BMPR1A: variants seen among roughly 807,000 people sequenced by gnomAD.
BMPR1A encodes bone morphogenetic protein receptor type 1A.
A neutral mutation model predicts 66.0 loss-of-function variants in BMPR1A; 7 were observed. The observed-to-expected ratio is 0.11, with a 90% CI of 0.06 to 0.20. The LOEUF is 0.20. BMPR1A is among the 10% of genes least tolerant of loss of function. The pLI is 1.00. For missense variants in BMPR1A, 408 were observed against 669.1 expected, an observed-to-expected ratio of 0.61 and a Z score of 4.31; for synonymous variants, 200 against 229.7, an observed-to-expected ratio of 0.87 and a Z score of 1.17.
chr10:86,871,063 T>A (rs1338932266), intron 2 of BMPR1A, among the ~76,000 whole-genome samples: 1 of 152,172 alleles, frequency 6.6e-6, no homozygotes, highest in Non-Finnish European at 1.5e-5. Flanking sequence ...GTTCTCTCTT[T>A]GCTTTTCTCT....
At chr10:86,824,466 T>G (rs1842165565) in intron 1 of BMPR1A, among the ~76,000 whole-genome samples, 1 of 152,128 alleles carries the variant, frequency 6.6e-6, no homozygotes, top group Non-Finnish European at 1.5e-5. Flanking sequence ...AGAACTTAAA[T>G]GTAGGCTTCC....
intron 2 of BMPR1A, among the ~76,000 whole-genome samples, chr10:86,873,610 G>A (rs961593100): frequency 6.6e-6 from 1 of 152,148 alleles, no homozygotes; most frequent in African/African-American, 2.4e-5. Flanking sequence ...GTGTGGGTTT[G>A]ATTTAGACAG....
intron 2 of BMPR1A, among the ~76,000 whole-genome samples, chr10:86,872,482 C>T (rs1364782931): frequency 1.3e-5 from 2 of 152,034 alleles, no homozygotes; most frequent in African/African-American, 4.8e-5. Flanking sequence ...GTCTACTTGC[C>T]TGTTTCTTCA....
chr10:86,779,228 ATTTCC>A lies in BMPR1A; in HGVS notation c.-268+22316_-268+22320del. 3.3e-5 allele frequency among the ~76,000 whole-genome samples: 5 copies of A among 152,290 alleles called. No individual in the cohort carries two copies. In the South Asian group the frequency reaches 1.0e-3, roughly 32 times the overall value. On this transcript the variant is annotated intron_variant, in intron 1 of 12. Coordinates refer to ENST00000372037, the MANE Select transcript of BMPR1A (RefSeq NM_004329.3). ...ATGCAGATGTGCCTTCAACAGAATG[ATTTCC>A]TTTCCTCTGGATAAATTCCTAGTAG...
intron 1 of BMPR1A, among the ~76,000 whole-genome samples, chr10:86,820,793 C>T (rs1842111187): frequency 6.6e-6 from 1 of 152,224 alleles, no homozygotes; most frequent in Non-Finnish European, 1.5e-5. Context: ...TCTCTGGAAT[C>T]AGCAACCCCA....
At chr10:86,800,710 A>C (rs1009305993) in intron 1 of BMPR1A, among the ~76,000 whole-genome samples, 1 of 152,234 alleles carries the variant, frequency 6.6e-6, no homozygotes, top group Non-Finnish European at 1.5e-5. Flanking sequence ...TTGTGTTTTA[A>C]GAAAAACAAG....
chr10:86,903,869 G>A (rs2133482601), intron 7 of BMPR1A, among the ~76,000 whole-genome samples: 1 of 151,566 alleles, frequency 6.6e-6, no homozygotes, highest in South Asian at 2.1e-4. Context: ...GCCTCCCAAA[G>A]TGCTGGGATT....
At chr10:86,905,811 C>CA (rs200605846) in intron 7 of BMPR1A, among the ~76,000 whole-genome samples, 3,645 of 123,640 alleles carry the variant, frequency 0.029, 105 homozygotes, top group African/African-American at 0.086. Context: ...GTGATTACAG[C>CA]AAAAAAAAAA....
rs573008667 is a variant in BMPR1A, at chr10:86,757,135, C to T, written c.-268+216C>T. ...CCCGCGCCGCGTCCCCCGCCGGCCCCTCTTTTGTCTCCCACTCGCGGGTTG... is the reference window on the plus strand; with the variant it reads ...CCCGCGCCGCGTCCCCCGCCGGCCCTTCTTTTGTCTCCCACTCGCGGGTTG... On this transcript the variant is annotated intron_variant, in intron 1 of 12. Transcript: ENST00000372037. 5.9e-5 allele frequency among the ~76,000 whole-genome samples: 9 copies of T among 152,064 alleles called. No individual in the cohort carries two copies. The East Asian group carries it at 1.7e-3, about 30-fold the overall frequency.
chr10:86,833,091 CAG>C (rs1379654134), intron 1 of BMPR1A, among the ~76,000 whole-genome samples: 1 of 152,094 alleles, frequency 6.6e-6, no homozygotes. Flanking sequence ...GCCTGGACAA[CAG>C]AGTGAGACCT....
In BMPR1A at chr10:86,815,219, CAG is replaced by C. The variant is rs1157209554; in HGVS notation, c.-267-23643_-267-23642del. On this transcript the variant is annotated intron_variant, in intron 1 of 12. Transcript: ENST00000372037. The stretch of plus-strand genomic sequence containing the variant: ...ACTCAGGATAGCATTTCTAATTTCA[CAG>C]AGTTATTTTTCCGTTATGAAACACA... Among the ~76,000 whole-genome samples, 5 of 152,304 alleles carry C rather than the reference CAG, an allele frequency of 3.3e-5. No homozygotes were observed. In the East Asian group the frequency reaches 5.8e-4, roughly 18 times the overall value.
chr10:86,888,701 C>T (rs1008382231), intron 3 of BMPR1A, among the ~76,000 whole-genome samples: 3 of 151,732 alleles, frequency 2.0e-5, no homozygotes, highest in African/African-American at 7.3e-5. Context: ...GTGGCATGTG[C>T]CCTTGGTCCC....
intron 2 of BMPR1A, among the ~76,000 whole-genome samples, chr10:86,842,588 A>T (rs1842439833): frequency 6.6e-6 from 1 of 152,182 alleles, no homozygotes. Flanking sequence ...GAAAAATTTT[A>T]ACATTTAAAG....
chr10:86,886,900 C>A (rs918509429), intron 3 of BMPR1A, among the ~76,000 whole-genome samples: 1 of 138,262 alleles, frequency 7.2e-6, no homozygotes, highest in African/African-American at 2.7e-5. Flanking sequence ...GGCTTGATCT[C>A]TGTTCACTGC....
At chr10:86,788,378 C>T (rs1293873618) in intron 1 of BMPR1A, among the ~76,000 whole-genome samples, 1 of 152,112 alleles carries the variant, frequency 6.6e-6, no homozygotes, top group Admixed American at 6.6e-5. Flanking sequence ...ATTATTTACA[C>T]AATTGAAATA....
chr10:86,895,259 G>T (rs529849449), intron 5 of BMPR1A, among the ~76,000 whole-genome samples: 2 of 152,256 alleles, frequency 1.3e-5, no homozygotes, highest in Non-Finnish European at 2.9e-5. Context: ...GCTGATCGTG[G>T]TGGCACGGTG....
intron 1 of BMPR1A, among the ~76,000 whole-genome samples, chr10:86,829,747 C>T (rs1003875539): frequency 1.3e-5 from 2 of 152,210 alleles, no homozygotes; most frequent in East Asian, 3.8e-4. Context: ...TGTGAATCAA[C>T]AGTTCTTTCC....
chr10:86,850,187 G>A (rs1487086990), intron 2 of BMPR1A, among the ~76,000 whole-genome samples: 1 of 152,086 alleles, frequency 6.6e-6, no homozygotes, highest in Non-Finnish European at 1.5e-5. Context: ...CAGGCATGGT[G>A]GTGCATGCCA....
intron 7 of BMPR1A, among the ~76,000 whole-genome samples, chr10:86,910,529 A>G (rs1843465301): frequency 6.6e-6 from 1 of 152,108 alleles, no homozygotes; most frequent in African/African-American, 2.4e-5. Flanking sequence ...AACCAGAAGT[A>G]GTTTTGTTTC....
Sources: gnomAD v4.1 joint callset for allele counts (sites outside exome capture counted in the v4.1 genomes callset) on GRCh38, gnomAD v4.1.1 for gene constraint, MANE v1.5 for transcripts, NCBI Gene and HGNC (gene_info 2026-07-23, HGNC 2026-07-21) for gene names.